Variants in SH3BGR observed in about 807,000 individuals in gnomAD.
SH3BGR encodes the protein SH3 domain binding glutamate rich protein.
A neutral mutation model predicts 24.5 loss-of-function variants in SH3BGR; 29 were observed. That is an observed-to-expected ratio of 1.18 (90% CI 0.88 to 1.61). The LOEUF is 1.61. Ranked by LOEUF, SH3BGR falls within the 40% of genes most tolerant of loss-of-function variation. SH3BGR has a pLI of 0.00. For synonymous variants in SH3BGR, 55 were observed against 65.7 expected (o/e 0.84, Z 0.79); for missense variants, 162 against 205.8 (o/e 0.79, Z 1.30).
intron 3 of SH3BGR, among the ~76,000 whole-genome samples, chr21:39,484,432 TA>T (rs1343209097): frequency 2.6e-5 from 4 of 152,222 alleles, no homozygotes; most frequent in Admixed American, 6.5e-5. Flanking sequence ...CTTGCTATTT[TA>T]AAAAAAATTA....
chr21:39,477,595 G>A lies in SH3BGR; in HGVS notation c.312+2380G>A, dbSNP rs187923395. On this transcript the variant is annotated intron_variant, in intron 3 of 6. Transcript: ENST00000333634. The stretch of plus-strand genomic sequence containing the variant: ...GTAGCTCTTTCAGTGAGACAAAAAT[G>A]CACACAACTTTTTATGGCTTTGAAC... Among the ~76,000 whole-genome samples, 534 of 152,242 alleles carry A rather than the reference G, an allele frequency of 3.5e-3. 5 individuals are homozygous for A. The highest frequency in any genetic ancestry group is 0.012 in the African/African-American group (518 of 41,528).
intron 3 of SH3BGR, among the ~76,000 whole-genome samples, chr21:39,485,323 A>T (rs1030699021): frequency 2.0e-5 from 3 of 152,232 alleles, no homozygotes; most frequent in African/African-American, 7.2e-5. Context: ...GAATAAGCAG[A>T]TTCAATAAGA....
At chr21:39,502,733 G>A (rs78960464) in intron 4 of SH3BGR, among the ~76,000 whole-genome samples, 3,383 of 152,312 alleles carry the variant, frequency 0.022, 55 homozygotes, top group Non-Finnish European at 0.035. Context: ...GTTGTCTGTG[G>A]TGGTGTTTCT....
intron 2 of SH3BGR, among the ~76,000 whole-genome samples, chr21:39,473,977 T>G (rs2077986259): frequency 6.7e-6 from 1 of 150,316 alleles, no homozygotes; most frequent in Non-Finnish European, 1.5e-5. Context: ...ATTTTGTGGG[T>G]TTTTTTGTGA....
intron 1 of SH3BGR, among the ~76,000 whole-genome samples, chr21:39,461,069 C>G (rs1008027047): frequency 6.6e-6 from 1 of 151,028 alleles, no homozygotes; most frequent in Non-Finnish European, 1.5e-5. Flanking sequence ...AAAAAAGATA[C>G]GAGAGCATCT....
At chr21:39,506,403 T>C (rs1193624017) in intron 4 of SH3BGR, among the ~76,000 whole-genome samples, 7 of 152,176 alleles carry the variant, frequency 4.6e-5, no homozygotes, top group Non-Finnish European at 1.5e-5. Context: ...CAGAGCCAGA[T>C]GGCCTTTTCA....
intron 4 of SH3BGR, among the ~76,000 whole-genome samples, chr21:39,507,600 T>C (rs1025563104): frequency 1.3e-5 from 2 of 152,216 alleles, no homozygotes; most frequent in African/African-American, 4.8e-5. Flanking sequence ...CCCAAAGTGC[T>C]GGGATTACAG....
intron 4 of SH3BGR, 34 bp from the exon 5 acceptor site, chr21:39,508,963 TG>T (rs1271555768): frequency 1.5e-5 from 24 of 1,548,876 alleles, no homozygotes; most frequent in Non-Finnish European, 2.0e-5. Context: ...ACTTGAATTA[TG>T]TTTTTTTCTT....
At chr21:39,461,853 A>C (rs879567375) in intron 1 of SH3BGR, among the ~76,000 whole-genome samples, 3 of 151,960 alleles carry the variant, frequency 2.0e-5, no homozygotes, top group Non-Finnish European at 4.4e-5. Context: ...TATTTTATTT[A>C]TTTATATTTT....
chr21:39,499,362 CATCCATCT>C (rs1360717421), intron 3 of SH3BGR, among the ~76,000 whole-genome samples: 2 of 152,012 alleles, frequency 1.3e-5, no homozygotes, highest in South Asian at 2.1e-4. Flanking sequence ...ATTATCCATC[CATCCATCT>C]ATCCATCCAT....
Position 39,475,610 on chromosome 21 carries a change from C to A in SH3BGR, c.312+395C>A, listed in dbSNP as rs190593467. Among the ~76,000 whole-genome samples, 29 of 152,024 alleles carry A rather than the reference C, an allele frequency of 1.9e-4. No homozygotes were observed. The East Asian group carries it at 3.9e-3, about 20-fold the overall frequency. On this transcript the variant is annotated intron_variant, in intron 3 of 6. Coordinates refer to ENST00000333634, the MANE Select transcript of SH3BGR (RefSeq NM_007341.3). ...GAGTTAATTTCATAATGATATATAC[C>A]CTTACATTATTTCTATTTAAATGAA...
chr21:39,514,536 A>AT, intron 6 of SH3BGR, among the ~76,000 whole-genome samples: 1 of 151,854 alleles, frequency 6.6e-6, no homozygotes, highest in South Asian at 2.1e-4. Flanking sequence ...TAATTTTCGT[A>AT]TTTTTTGTAG....
chr21:39,492,813 T>C (rs2078327336), intron 3 of SH3BGR, among the ~76,000 whole-genome samples: 1 of 152,056 alleles, frequency 6.6e-6, no homozygotes, highest in Non-Finnish European at 1.5e-5. Flanking sequence ...ATTATGGCCA[T>C]TCTTGCAGGA....
chr21:39,504,885 G>C (rs1413270252), intron 4 of SH3BGR, among the ~76,000 whole-genome samples: 1 of 152,078 alleles, frequency 6.6e-6, no homozygotes, highest in African/African-American at 2.4e-5. Flanking sequence ...CCAGGCTGGA[G>C]TGCATTGGCA....
At chr21:39,488,776 C>T (rs370367819) in intron 3 of SH3BGR, 100 of 390,662 alleles carry the variant, frequency 2.6e-4, no homozygotes, top group South Asian at 2.1e-3. Context: ...CTGAAGAGCT[C>T]GTCTGTGTGG....
chr21:39,502,128 G>A (rs1457611138), intron 4 of SH3BGR, among the ~76,000 whole-genome samples: 2 of 152,186 alleles, frequency 1.3e-5, no homozygotes, highest in East Asian at 1.9e-4. Context: ...AGCTGAGATC[G>A]TGCCACTGCA....
At chr21:39,462,283 TGTATA>T in intron 1 of SH3BGR, 87 bp from the exon 2 acceptor site, 2 of 847,458 alleles carry the variant, frequency 2.4e-6, no homozygotes, top group Non-Finnish European at 3.7e-6. Context: ...TTATTTGTGT[TGTATA>T]GTATAACTAG....
chr21:39,493,042 T>C (rs535907670), intron 3 of SH3BGR, among the ~76,000 whole-genome samples: 1 of 152,268 alleles, frequency 6.6e-6, no homozygotes, highest in Non-Finnish European at 1.5e-5. Context: ...CATAGATTGT[T>C]AATATTTTCT....
intron 3 of SH3BGR, among the ~76,000 whole-genome samples, chr21:39,481,291 C>T (rs887752396): frequency 1.3e-5 from 2 of 152,002 alleles, no homozygotes; most frequent in Non-Finnish European, 2.9e-5. Flanking sequence ...ATAGTGAGAC[C>T]CTGTTCTCAA....
Sources: allele counts gnomAD v4.1 joint callset (sites outside exome capture counted in the v4.1 genomes callset), GRCh38; gene constraint gnomAD v4.1.1; transcripts MANE v1.5; gene names NCBI Gene and HGNC (gene_info 2026-07-23, HGNC 2026-07-21).